The following BNC2 variants were observed in gnomAD, a reference collection of about 807,000 sequenced individuals.
BNC2 encodes zinc finger protein basonuclin-2.
In BNC2, 20 loss-of-function variants were observed where a neutral mutation model predicts 76.3. The ratio of observed to expected loss-of-function variants is 0.26; its 90% confidence interval spans 0.18 to 0.38. BNC2 has a LOEUF of 0.38. BNC2 is among the 10% of genes least tolerant of loss of function. The pLI, the probability that BNC2 is intolerant of heterozygous loss-of-function variation, is 1.00. For synonymous variants in BNC2, 582 were observed against 514.8 expected (o/e 1.13, Z -1.77); for missense variants, 1,382 against 1,399.8 (o/e 0.99, Z 0.20).
chr9:16,699,040 T>C, intron 3 of BNC2: 1 of 361,458 alleles, frequency 2.8e-6, no homozygotes, highest in Non-Finnish European at 5.4e-6. Flanking sequence ...TATAAAGCAC[T>C]GGGTTTTCCA....
At chr9:16,559,901 T>C (rs1818957631) in intron 4 of BNC2, among the ~76,000 whole-genome samples, 1 of 152,190 alleles carries the variant, frequency 6.6e-6, no homozygotes, top group African/African-American at 2.4e-5. Context: ...CAGACAGATG[T>C]AGGCAATATA....
chr9:16,617,516 T>C (rs1820742115), intron 3 of BNC2, among the ~76,000 whole-genome samples: 1 of 126,118 alleles, frequency 7.9e-6, no homozygotes, highest in Non-Finnish European at 1.7e-5. Context: ...AAATTTTACG[T>C]ACAGATGGAG....
intron 3 of BNC2, 36 bp from the exon 4 acceptor site, chr9:16,583,121 G>T: frequency 6.6e-7 from 1 of 1,508,974 alleles, no homozygotes; most frequent in Non-Finnish European, 9.2e-7. Flanking sequence ...GTCAGCATCT[G>T]TTCAAAGATA....
chr9:16,719,623 G>T (rs1824089002), intron 3 of BNC2, among the ~76,000 whole-genome samples: 1 of 152,186 alleles, frequency 6.6e-6, no homozygotes, highest in South Asian at 2.1e-4. Context: ...TGAAAGCTAT[G>T]TCTTTCCCAT....
chr9:16,588,394 A>T (rs1038328867), intron 3 of BNC2, among the ~76,000 whole-genome samples: 11 of 152,194 alleles, frequency 7.2e-5, no homozygotes, highest in Non-Finnish European at 1.5e-4. Flanking sequence ...CATATTATTC[A>T]TACTATAGTC....
intron 3 of BNC2, among the ~76,000 whole-genome samples, chr9:16,600,716 A>T (rs1048291426): frequency 6.6e-6 from 1 of 152,136 alleles, no homozygotes; most frequent in African/African-American, 2.4e-5. Flanking sequence ...TTAAAAAGGT[A>T]ATGATGCGGG....
rs1215389123 is a variant in BNC2 at position 16,436,186 on chromosome 9, T to G, written c.2008A>C (p.Met670Leu). Reference sequence around the variant, plus strand: ...GAGTGACAATGATTGTCATGGCTCATGTCATTGACCACAGCTCCACCATCA... The same window carrying G: ...GAGTGACAATGATTGTCATGGCTCAGGTCATTGACCACAGCTCCACCATCA... ...PNDGGAVVND[M>L]SHDNHCHSQE... is the part of the protein sequence containing the mutation. Residue 670 changes from methionine to leucine, a missense_variant, in exon 6 of 7, where the codon ATG becomes CTG. Physicochemically the swap from Met to Leu is conservative, Grantham distance 15 (BLOSUM62 2). This residue lies in a region of BNC2 where 798 missense variants were observed against 775.5 expected (regional missense o/e 1.03). Transcript: ENST00000380672. The G allele has an allele frequency of 6.2e-7, 1 of 1,614,094 alleles. No individual in the cohort carries two copies. The highest frequency in any genetic ancestry group is 8.5e-7 in the Non-Finnish European group (1 of 1,180,046).
intron 1 of BNC2, among the ~76,000 whole-genome samples, chr9:16,837,192 T>C (rs1461170404): frequency 6.6e-6 from 1 of 152,182 alleles, no homozygotes; most frequent in Non-Finnish European, 1.5e-5. Context: ...CCTGAAACAC[T>C]ATGAAACATA....
At chr9:16,842,986 A>G (rs999156603) in intron 1 of BNC2, among the ~76,000 whole-genome samples, 2 of 152,184 alleles carry the variant, frequency 1.3e-5, no homozygotes, top group Admixed American at 6.5e-5. Context: ...TCATAACCTC[A>G]AGTGAAGGCC....
intron 1 of BNC2, among the ~76,000 whole-genome samples, chr9:16,820,309 C>T (rs916792460): frequency 2.0e-5 from 3 of 151,714 alleles, no homozygotes; most frequent in African/African-American, 7.3e-5. Flanking sequence ...GCCTGTAATC[C>T]CAGCTACTCA....
At chr9:16,808,864 G>C (rs1817976446) in intron 1 of BNC2, among the ~76,000 whole-genome samples, 1 of 152,060 alleles carries the variant, frequency 6.6e-6, no homozygotes, top group South Asian at 2.1e-4. Flanking sequence ...AAGCAAGCTG[G>C]TGACTGGGAC....
chr9:16,841,878 C>T (rs1288905047), intron 1 of BNC2, among the ~76,000 whole-genome samples: 1 of 150,998 alleles, frequency 6.6e-6, no homozygotes, highest in African/African-American at 2.4e-5. Flanking sequence ...GGCACAATCT[C>T]AGCTTACTGC....
intron 1 of BNC2, among the ~76,000 whole-genome samples, chr9:16,789,761 A>G (rs1216466524): frequency 6.6e-6 from 1 of 152,250 alleles, no homozygotes; most frequent in Non-Finnish European, 1.5e-5. Context: ...ACTAAGATCC[A>G]AATTCTCTGA....
At chr9:16,617,009 G>A (rs555775889) in intron 3 of BNC2, among the ~76,000 whole-genome samples, 60 of 152,284 alleles carry the variant, frequency 3.9e-4, no homozygotes, top group Middle Eastern at 3.4e-3. Flanking sequence ...ATGAAACCCA[G>A]TTTTGTGAAT....
intron 2 of BNC2, among the ~76,000 whole-genome samples, 195 bp downstream of exon 2, chr9:16,738,165 T>A (rs1824733711): frequency 6.6e-6 from 1 of 152,210 alleles, no homozygotes; most frequent in African/African-American, 2.4e-5. Flanking sequence ...TCATTAAATC[T>A]ACTTTCAATT....
chr9:16,656,645 T>C (rs1304798214), intron 3 of BNC2, among the ~76,000 whole-genome samples: 1 of 152,190 alleles, frequency 6.6e-6, no homozygotes, highest in African/African-American at 2.4e-5. Context: ...AAAGCTTCCA[T>C]GTGGACCTTT....
chr9:16,554,589 G>A (rs539509714), intron 4 of BNC2, among the ~76,000 whole-genome samples: 4 of 152,222 alleles, frequency 2.6e-5, no homozygotes, highest in South Asian at 4.1e-4. Context: ...CAAGCCTAGG[G>A]ATTGAAGTTT....
chr9:16,531,845 T>C (rs1817985833), intron 5 of BNC2, among the ~76,000 whole-genome samples: 1 of 152,156 alleles, frequency 6.6e-6, no homozygotes, highest in Non-Finnish European at 1.5e-5. Flanking sequence ...TATTATTTTA[T>C]TCAAAATGCT....
At chr9:16,434,974 T>A (rs903938315) in intron 6 of BNC2, 2 of 471,050 alleles carry the variant, frequency 4.2e-6, no homozygotes, top group South Asian at 1.5e-5. Context: ...TCACAACTCT[T>A]AAAGAATTCA....
Sources: allele counts gnomAD v4.1 joint callset (sites outside exome capture counted in the v4.1 genomes callset), GRCh38; gene constraint gnomAD v4.1.1; regional missense constraint gnomAD v4.1.1; transcripts MANE v1.5; gene names NCBI Gene and HGNC (gene_info 2026-07-23, HGNC 2026-07-21).